Variants in SEC14L5 observed in about 807,000 individuals in gnomAD.
The protein encoded by SEC14L5 is SEC14 like lipid binding 5, also known as SEC14-like protein 5.
In SEC14L5, 96 loss-of-function variants were observed where a neutral mutation model predicts 84.6. The observed-to-expected ratio is 1.13, with a 90% confidence interval of 0.96 to 1.34. The LOEUF is 1.34. Among genes scored for constraint, SEC14L5 ranks in the 40% most tolerant of loss-of-function variants. The pLI is 0.00. For synonymous variants in SEC14L5, 546 were observed against 383.4 expected, an observed-to-expected ratio of 1.42 and a Z score of -4.95; for missense variants, 1,224 against 942.5, an observed-to-expected ratio of 1.30 and a Z score of -3.91.
intron 14 of SEC14L5, among the ~76,000 whole-genome samples, chr16:5,010,691 C>T (rs1955789432): frequency 1.3e-5 from 2 of 152,160 alleles, no homozygotes; most frequent in Non-Finnish European, 2.9e-5. Flanking sequence ...TTCCCTTTCT[C>T]ACTCTCCCTG....
At chr16:4,995,515 A>G (rs555292441) in intron 6 of SEC14L5, among the ~76,000 whole-genome samples, 1 of 152,234 alleles carries the variant, frequency 6.6e-6, no homozygotes, top group East Asian at 1.9e-4. Context: ...CAAAGCAAAG[A>G]GAACTGGTGT....
Position 5,003,581 on chromosome 16 carries a change from C to A in SEC14L5, c.1302+8C>A. On this transcript the variant is annotated splice_region_variant and intron_variant, in intron 11 of 15. Transcript: ENST00000251170. ...CCCGTGCTCTGGACACTGGTAAGAG[C>A]TGGAGCCTGGGCCAGGACTCTCCCT... 1 of 1,131,082 alleles carries A rather than the reference C, an allele frequency of 8.8e-7. No homozygotes were observed. Among genetic ancestry groups the A allele is most frequent in the Non-Finnish European group, 1.2e-6 (1 of 849,674 alleles). The allele number at this position is 1,131,082 out of a possible 1,614,324, so 70.1% of individuals were successfully genotyped here.
chr16:4,969,872 C>T (rs1382600054), intron 2 of SEC14L5, among the ~76,000 whole-genome samples: 2 of 148,936 alleles, frequency 1.3e-5, no homozygotes, highest in Admixed American at 1.3e-4. Context: ...GGCTGGGGTG[C>T]AGCGGCACGA....
At chr16:4,998,755 A>T (rs1018818927) in intron 8 of SEC14L5, among the ~76,000 whole-genome samples, 1,810 of 93,800 alleles carry the variant, frequency 0.019, 26 homozygotes, top group African/African-American at 0.042. Context: ...AAAAAAAAAA[A>T]AAAAAAAAAA....
At chr16:4,991,140 G>T (rs2142506752) in intron 5 of SEC14L5, among the ~76,000 whole-genome samples, 1 of 147,364 alleles carries the variant, frequency 6.8e-6, no homozygotes, top group Admixed American at 6.8e-5. Context: ...GAATTATCTG[G>T]ACAACAGATA....
At chr16:4,969,407 CAG>C (rs1471706712) in intron 2 of SEC14L5, among the ~76,000 whole-genome samples, 2 of 150,922 alleles carry the variant, frequency 1.3e-5, no homozygotes, top group African/African-American at 2.4e-5. Context: ...TTTTTTGAGA[CAG>C]AGTCTTCCTC....
chr16:4,987,701 C>A lies in SEC14L5; in HGVS notation c.208C>A (p.Arg70=). 2 of 1,515,174 alleles carry A rather than the reference C, an allele frequency of 1.3e-6. No individual in the cohort carries two copies. The highest frequency in any genetic ancestry group is 1.8e-6 in the Non-Finnish European group (2 of 1,136,964). 93.9% of individuals were successfully genotyped at this position (1,515,174 alleles called of 1,614,324 possible). Residue 70 remains arginine (R), a synonymous_variant, in exon 3 of 16, where the codon CGG becomes AGG. Coordinates refer to ENST00000251170, the MANE Select transcript of SEC14L5 (RefSeq NM_014692.2). ...GCGCGTGGACGCCCCGCGGCTGCTG[C>A]GGAAGGTGGGCGGCCCTGGGGCTGG... The part of the protein sequence containing the change: ...RLRVDAPRLL[R]KIAGVEHVVF...
chr16:4,962,368 T>C lies in SEC14L5; in HGVS notation c.63+2982T>C, dbSNP rs555314715. Among the ~76,000 whole-genome samples, 5 of 152,052 alleles carry C rather than the reference T, an allele frequency of 3.3e-5. No homozygotes were observed. In the South Asian group the frequency reaches 1.0e-3, roughly 32 times the overall value. On this transcript the variant is annotated intron_variant, in intron 2 of 15. Transcript: ENST00000251170. ...GTCTCTAGGTACTGACACCTGTGGG[T>C]AGAGTGAAAAAAAGGCTTTCAAATC...
At chr16:4,991,463 G>C (rs1044653191) in intron 5 of SEC14L5, among the ~76,000 whole-genome samples, 3 of 151,994 alleles carry the variant, frequency 2.0e-5, no homozygotes, top group African/African-American at 7.3e-5. Flanking sequence ...CTGCTCAGGA[G>C]GCTGAGGCAG....
At chr16:5,011,697 C>A (rs1457830269) in intron 15 of SEC14L5, among the ~76,000 whole-genome samples, 4 of 152,180 alleles carry the variant, frequency 2.6e-5, no homozygotes, top group Admixed American at 6.5e-5. Flanking sequence ...TGGTTAAGAC[C>A]TCCAGCACTT....
intron 2 of SEC14L5, among the ~76,000 whole-genome samples, chr16:4,968,741 G>C (rs1596614498): frequency 6.6e-6 from 1 of 152,218 alleles, no homozygotes; most frequent in Non-Finnish European, 1.5e-5. Flanking sequence ...GCCCAGTAGC[G>C]TCAGGTCATC....
intron 2 of SEC14L5, among the ~76,000 whole-genome samples, chr16:4,966,277 T>C (rs1187834117): frequency 1.4e-5 from 2 of 141,274 alleles, no homozygotes; most frequent in East Asian, 4.1e-4. Context: ...CTTTTTTTTT[T>C]TTTTTTTTTT....
Position 4,996,395 on chromosome 16 carries a change from A to T in SEC14L5, c.715A>T (p.Thr239Ser), listed in dbSNP as rs1359131759. 2 of 1,571,530 alleles carry T rather than the reference A, an allele frequency of 1.3e-6. No homozygotes were observed. Among genetic ancestry groups the T allele is most frequent in the Non-Finnish European group, 1.7e-6 (2 of 1,159,216 alleles). ...DYIERCLGHLTPMQESCLIQL... is the reference protein window; with the variant it reads ...DYIERCLGHLSPMQESCLIQL... ...CATTGAGAGGTGCCTGGGCCACCTC[A>T]CGCCCATGCAGGAGAGCTGCCTGAT... Residue 239 changes from threonine to serine, a missense_variant, in exon 7 of 16, where the codon ACG (threonine) becomes TCG (serine). Coordinates refer to ENST00000251170, the MANE Select transcript of SEC14L5 (RefSeq NM_014692.2).
In SEC14L5 at chr16:5,017,552, T is replaced by A. The variant is rs1476724813; in HGVS notation, c.*2582T>A. 1.3e-5 allele frequency: 2 copies of A among 152,196 alleles called. No homozygotes were observed. The highest frequency in any genetic ancestry group is 2.9e-5 in the Non-Finnish European group (2 of 68,038). 9.4% of individuals were successfully genotyped at this position (152,196 alleles called of 1,614,324 possible). On this transcript the variant is annotated 3_prime_UTR_variant, in exon 16 of 16. Coordinates refer to ENST00000251170, the MANE Select transcript of SEC14L5 (RefSeq NM_014692.2). Reference sequence around the variant, plus strand: ...CTAAGAGATGCTTTTCCATCTCAAATCTCATGGAAGGCTCTGATTGGCCCA... The same window carrying A: ...CTAAGAGATGCTTTTCCATCTCAAAACTCATGGAAGGCTCTGATTGGCCCA...
chr16:5,008,506 A>C lies in SEC14L5; in HGVS notation c.1658A>C (p.His553Pro). 6.2e-7 allele frequency: 1 copy of C among 1,611,548 alleles called. No individual in the cohort carries two copies. Among genetic ancestry groups the C allele is most frequent in the Non-Finnish European group, 8.5e-7 (1 of 1,179,054 alleles). ...LRGDVVFSLYHTKQAPRLGAR... is the reference protein window; with the variant it reads ...LRGDVVFSLYPTKQAPRLGAR... ...GGGGACGTGGTGTTCAGCCTGTACC[A>C]CACCAAGCAGGCGCCCAGGCTGGGC... The change falls in exon 14 of 16, where the codon CAC (histidine) becomes CCC (proline). Residue 553 changes from histidine to proline, a missense_variant. Transcript: ENST00000251170.
rs1555530444 is a variant in SEC14L5 at position 4,998,003 on chromosome 16, C to CCTTTTTTTTTTT, written c.970+959_970+960insCTTTTTTTTTTT. 2.6e-5 allele frequency among the ~76,000 whole-genome samples: 2 copies of CCTTTTTTTTTTT among 77,896 alleles called. 1 individual carries two copies. The allele number at this position is 77,896 out of a possible 152,430, so 51.1% of individuals were successfully genotyped here. ...AATTACACCTGCACAGACTCTAGTTCTTTTTTTTTTTTTTTTTTGAGACAG... is the reference window on the plus strand; with the variant it reads ...AATTACACCTGCACAGACTCTAGTTCCTTTTTTTTTTTTTTTTTTTTTTTTTTTTTGAGACAG... On this transcript the variant is annotated intron_variant, in intron 8 of 15. Transcript: ENST00000251170.
chr16:4,995,313 G>C (rs1596633298), intron 6 of SEC14L5, among the ~76,000 whole-genome samples: 1 of 152,186 alleles, frequency 6.6e-6, no homozygotes, highest in Non-Finnish European at 1.5e-5. Context: ...CAGGACTCAA[G>C]CTTGGGGCCT....
chr16:4,969,788 CTG>C lies in SEC14L5; in HGVS notation c.63+10406_63+10407del, dbSNP rs1955252830. On this transcript the variant is annotated intron_variant, in intron 2 of 15. Transcript: ENST00000251170. ...TAAGGGAAGCTCCAGGAAGAAAAGACTGTGTCTGTCTTGTCTGGTTCTTTTTC... is the reference window on the plus strand; with the variant it reads ...TAAGGGAAGCTCCAGGAAGAAAAGACTGTCTGTCTTGTCTGGTTCTTTTTC... Among the ~76,000 whole-genome samples the C allele has an allele frequency of 2.0e-5, 3 of 150,508 alleles. No individual in the cohort carries two copies. The South Asian group carries it at 6.3e-4, about 32-fold the overall frequency.
intron 12 of SEC14L5, 70 bp from the exon 13 acceptor site, chr16:5,007,281 AC>A (rs1955741930): frequency 1.3e-6 from 2 of 1,482,850 alleles, no homozygotes; most frequent in South Asian, 2.5e-5. Flanking sequence ...GTCACACATC[AC>A]CCTTCTGTGG....
Sources: allele counts gnomAD v4.1 joint callset (sites outside exome capture counted in the v4.1 genomes callset), GRCh38; gene constraint gnomAD v4.1.1; transcripts MANE v1.5; gene names NCBI Gene and HGNC (gene_info 2026-07-23, HGNC 2026-07-21).